The following SRGAP3 variants were observed in gnomAD, a reference collection of about 807,000 sequenced individuals.
SRGAP3 encodes the protein SLIT-ROBO Rho GTPase activating protein 3.
In SRGAP3, 39 loss-of-function variants were observed where a neutral mutation model predicts 121.1. The observed-to-expected ratio is 0.32, with a 90% CI of 0.25 to 0.42. SRGAP3 has a LOEUF of 0.42. Ranked by LOEUF, SRGAP3 falls within the 10% of genes least tolerant of loss-of-function variation. The probability of loss-of-function intolerance (pLI) is 1.00; values close to 1 mark genes in which losing one functional copy is unlikely to be tolerated. For synonymous variants in SRGAP3, 601 were observed against 570.0 expected (o/e 1.05, Z -0.77); for missense variants, 1,213 against 1,470.6 (o/e 0.82, Z 2.86).
At chr3:9,254,749 C>A (rs1342498108) in intron 3 of SRGAP3, among the ~76,000 whole-genome samples, 1 of 149,672 alleles carries the variant, frequency 6.7e-6, no homozygotes, top group East Asian at 2.0e-4. Context: ...TGAGCTGTGA[C>A]TGCAATTGCA....
rs376365259 is a variant in SRGAP3 at position 9,181,422 on chromosome 3, G to A, written c.68-56505C>T. On this transcript the variant is annotated intron_variant, in intron 1 of 21. Transcript: ENST00000383836. ...TATCTCACCGTTCTGTAGCTCAGAA[G>A]TCCAGGTTGACTCAGGGGGTTTTTT... Among the ~76,000 whole-genome samples the A allele has an allele frequency of 2.2e-4, 33 of 152,348 alleles. No homozygotes were observed. The East Asian group carries it at 6.2e-3, about 28-fold the overall frequency.
At chr3:9,183,895 A>G (rs1285708203) in intron 1 of SRGAP3, among the ~76,000 whole-genome samples, 1 of 151,888 alleles carries the variant, frequency 6.6e-6, no homozygotes, top group Non-Finnish European at 1.5e-5. Context: ...ATGAAACTCA[A>G]TCCTCTGCGG....
chr3:9,072,691 C>T (rs894453844), intron 4 of SRGAP3, among the ~76,000 whole-genome samples: 16 of 152,350 alleles, frequency 1.1e-4, no homozygotes, highest in Middle Eastern at 3.4e-3. Context: ...ATCCCACAGA[C>T]GGGGGAAACC....
At chr3:9,273,691 C>G (rs1954522236) in intron 3 of SRGAP3, among the ~76,000 whole-genome samples, 1 of 152,162 alleles carries the variant, frequency 6.6e-6, no homozygotes, top group Non-Finnish European at 1.5e-5. Context: ...GCTTCCCCTA[C>G]TTTTCTCTAA....
At chr3:9,324,824 G>A (rs529188157) in intron 3 of SRGAP3, among the ~76,000 whole-genome samples, 3 of 151,672 alleles carry the variant, frequency 2.0e-5, no homozygotes, top group Non-Finnish European at 4.4e-5. Flanking sequence ...GGGCGAGGTG[G>A]CAGGCACCTG....
chr3:9,302,654 C>G (rs1401073738), intron 3 of SRGAP3, among the ~76,000 whole-genome samples: 2 of 152,186 alleles, frequency 1.3e-5, no homozygotes, highest in Non-Finnish European at 2.9e-5. Context: ...CTTAGACACG[C>G]TCAAAACCCC....
intron 1 of SRGAP3, among the ~76,000 whole-genome samples, chr3:9,154,403 A>T (rs1184185590): frequency 1.3e-5 from 2 of 152,112 alleles, no homozygotes; most frequent in African/African-American, 2.4e-5. Flanking sequence ...ATGAGACTCA[A>T]ATATCTCAGC....
chr3:9,346,482 T>A (rs1955893229), intron 1 of SRGAP3, among the ~76,000 whole-genome samples: 1 of 152,178 alleles, frequency 6.6e-6, no homozygotes, highest in South Asian at 2.1e-4. Context: ...ATTTTGTTCC[T>A]CTTTCATTTT....
At chr3:9,123,370 AAAATAT>A (rs1267708850) in intron 2 of SRGAP3, among the ~76,000 whole-genome samples, 2 of 136,094 alleles carry the variant, frequency 1.5e-5, no homozygotes, top group African/African-American at 3.1e-5. Flanking sequence ...TCACAATTAA[AAAATAT>A]ATATATATAT....
chr3:9,131,450 T>TA (rs1417088209), intron 1 of SRGAP3, among the ~76,000 whole-genome samples: 3 of 145,396 alleles, frequency 2.1e-5, no homozygotes, highest in Admixed American at 2.0e-4. Context: ...TTTTTTTTTT[T>TA]TTTTTTGAGA....
In SRGAP3 at chr3:9,274,506, G is replaced by A. The variant is rs141910880; in HGVS notation, n.442+51504C>T. On this transcript the variant is annotated intron_variant and non_coding_transcript_variant, in intron 3 of 3. Transcript: ENST00000490889. The stretch of plus-strand genomic sequence containing the variant: ...GCCCCACAGCAGCATCTAGGGGGAA[G>A]TGCCTGTGACCCCTGAAGCCCCAGA... 1.6e-3 allele frequency among the ~76,000 whole-genome samples: 248 copies of A among 152,316 alleles called. 2 individuals are homozygous for A. The Middle Eastern group carries it at 0.017, about 10-fold the overall frequency.
intron 18 of SRGAP3, among the ~76,000 whole-genome samples, chr3:9,004,546 AG>A (rs1385244566): frequency 2.0e-5 from 3 of 152,224 alleles, no homozygotes; most frequent in African/African-American, 7.2e-5. Context: ...TAATGAAGAC[AG>A]TATAGTACCA....
chr3:9,013,915 A>G (rs2125033243), intron 15 of SRGAP3, 73 bp from the exon 16 acceptor site: 2 of 1,403,008 alleles, frequency 1.4e-6, no homozygotes, highest in Admixed American at 1.7e-5. Context: ...CGCTCGCCAC[A>G]TCTCCTATAT....
chr3:9,258,735 C>A (rs73120685), intron 3 of SRGAP3, among the ~76,000 whole-genome samples: 1 of 152,180 alleles, frequency 6.6e-6, no homozygotes, highest in African/African-American at 2.4e-5. Context: ...TGAGCTACAA[C>A]ACGAATACTG....
intron 2 of SRGAP3, among the ~76,000 whole-genome samples, chr3:9,106,402 AC>A (rs2124919015): frequency 6.6e-6 from 1 of 152,220 alleles, no homozygotes; most frequent in South Asian, 2.1e-4. Flanking sequence ...GCCTTGTCCC[AC>A]CCCTGTCCTG....
At chr3:9,086,971 C>T (rs1027808612) in intron 3 of SRGAP3, among the ~76,000 whole-genome samples, 1 of 150,522 alleles carries the variant, frequency 6.6e-6, no homozygotes. Context: ...GAGTCAAGAA[C>T]ACAATTCTAA....
At chr3:9,339,609 T>C (rs181042849) in intron 1 of SRGAP3, among the ~76,000 whole-genome samples, 145 of 152,304 alleles carry the variant, frequency 9.5e-4, no homozygotes, top group Admixed American at 8.8e-3. Context: ...CGGCTGATTG[T>C]TTCCAGAAGG....
At chr3:9,147,063 G>A (rs1261856706) in intron 1 of SRGAP3, among the ~76,000 whole-genome samples, 2 of 151,930 alleles carry the variant, frequency 1.3e-5, no homozygotes, top group South Asian at 2.1e-4. Flanking sequence ...CTCTACATCT[G>A]TTACTTCTAA....
At chr3:9,059,818 G>A (rs530620707) in intron 6 of SRGAP3, 4 of 296,340 alleles carry the variant, frequency 1.3e-5, no homozygotes, top group South Asian at 1.3e-4. Context: ...CACGTGTCTG[G>A]CTGAGTGGCC....
Sources: allele counts gnomAD v4.1 joint callset (sites outside exome capture counted in the v4.1 genomes callset), GRCh38; gene constraint gnomAD v4.1.1; transcripts MANE v1.5; gene names NCBI Gene and HGNC (gene_info 2026-07-23, HGNC 2026-07-21).